Variants in TDG observed in about 807,000 individuals in gnomAD.
The protein encoded by TDG is G/T mismatch-specific thymine DNA glycosylase.
TDG carries 23 observed loss-of-function variants against 46.1 expected under a neutral mutation model. The observed-to-expected ratio is 0.50, with a 90% CI of 0.36 to 0.71. The LOEUF (loss-of-function observed/expected upper bound fraction) is 0.71, where lower values mean the gene tolerates loss of function less well. TDG is among the 30% of genes least tolerant of loss of function. The pLI, the probability that TDG is intolerant of heterozygous loss-of-function variation, is 0.00. For synonymous variants in TDG, 115 were observed against 161.3 expected (o/e 0.71, Z 2.18); for missense variants, 304 against 486.7 (o/e 0.62, Z 3.53).
intron 2 of TDG, among the ~76,000 whole-genome samples, chr12:103,979,400 G>T (rs1431076626): frequency 6.6e-6 from 1 of 151,900 alleles, no homozygotes; most frequent in East Asian, 1.9e-4. Context: ...CACCATACCT[G>T]GCCCATTTGT....
intron 1 of TDG, among the ~76,000 whole-genome samples, chr12:103,972,470 G>T (rs190484548): frequency 6.6e-5 from 10 of 152,308 alleles, no homozygotes; most frequent in Admixed American, 2.0e-4. Context: ...AGATTTTTGT[G>T]TAGATGTAAT....
chr12:103,981,092 T>A, intron 4 of TDG, 130 bp downstream of exon 4: 1 of 726,224 alleles, frequency 1.4e-6, no homozygotes, highest in South Asian at 1.9e-5. Context: ...TCATGTTCTG[T>A]GTGTGTGTCT....
At chr12:103,970,947 CAAAT>C (rs1394474444) in intron 1 of TDG, among the ~76,000 whole-genome samples, 3 of 151,620 alleles carry the variant, frequency 2.0e-5, no homozygotes, top group Admixed American at 6.6e-5. Flanking sequence ...AAAAAAAAGA[CAAAT>C]AACAACATTA....
intron 1 of TDG, among the ~76,000 whole-genome samples, chr12:103,974,974 C>CAAAAAA (rs34864393): frequency 4.2e-4 from 32 of 76,618 alleles, no homozygotes; most frequent in East Asian, 2.9e-3. Context: ...GACTCCGTCT[C>CAAAAAA]AAAAAAAAAA....
At chr12:103,976,241 C>T (rs979307167) in intron 1 of TDG, among the ~76,000 whole-genome samples, 3 of 151,956 alleles carry the variant, frequency 2.0e-5, no homozygotes, top group African/African-American at 7.3e-5. Flanking sequence ...CCTGTCTAGA[C>T]AAAAATTACA....
chr12:103,972,904 A>C, intron 1 of TDG: 1 of 621,304 alleles, frequency 1.6e-6, no homozygotes, highest in Non-Finnish European at 2.9e-6. Flanking sequence ...AATTTTTTTA[A>C]AGTAAAGAAT....
intron 4 of TDG, 57 bp from the exon 5 acceptor site, chr12:103,982,742 G>C: frequency 6.4e-7 from 1 of 1,569,154 alleles, no homozygotes; most frequent in Non-Finnish European, 8.7e-7. Context: ...TCTAGCCTGG[G>C]TGACAGAGCG....
intron 1 of TDG, among the ~76,000 whole-genome samples, chr12:103,966,840 G>A (rs1871058189): frequency 6.6e-6 from 1 of 152,172 alleles, no homozygotes; most frequent in Non-Finnish European, 1.5e-5. Flanking sequence ...ACTCTCAGTG[G>A]CTAATGGGAG....
chr12:103,966,120 G>GGCGCGC (rs371681998), intron 1 of TDG, 60 bp downstream of exon 1: 4 of 1,364,388 alleles, frequency 2.9e-6, no homozygotes, highest in Non-Finnish European at 3.9e-6. Flanking sequence ...CAGGCTGGCT[G>GGCGCGC]GCGCGCGCGC....
intron 8 of TDG, 64 bp downstream of exon 8, chr12:103,984,984 C>A: frequency 1.6e-6 from 2 of 1,259,482 alleles, no homozygotes; most frequent in South Asian, 1.9e-5. Flanking sequence ...TATATACTTA[C>A]ATATATATAC....
chr12:103,972,182 G>A (rs774091427), intron 1 of TDG, among the ~76,000 whole-genome samples: 1 of 151,928 alleles, frequency 6.6e-6, no homozygotes, highest in Admixed American at 6.6e-5. Flanking sequence ...ACAGTGGTAC[G>A]ATCTTGGCTT....
At chr12:103,974,620 T>C (rs796234776) in intron 1 of TDG, among the ~76,000 whole-genome samples, 37 of 152,294 alleles carry the variant, frequency 2.4e-4, no homozygotes, top group African/African-American at 8.4e-4. Context: ...CTTCCTGTTC[T>C]CTTTCAATGA....
Position 103,984,742 on chromosome 12 carries a change from A to G in TDG, c.793-7A>G. 1 of 1,549,596 alleles carries G rather than the reference A, an allele frequency of 6.5e-7. No homozygotes were observed. Among genetic ancestry groups the G allele is most frequent in the Non-Finnish European group, 8.7e-7 (1 of 1,143,430 alleles). ...ATTTCTGAAATTATAAAATGTTGTGATTCTAGCTCTGCTATGTTATGCCAT... is the reference window on the plus strand; with the variant it reads ...ATTTCTGAAATTATAAAATGTTGTGGTTCTAGCTCTGCTATGTTATGCCAT... On this transcript the variant is annotated splice_polypyrimidine_tract_variant and splice_region_variant and intron_variant, in intron 7 of 9. Coordinates refer to ENST00000392872, the MANE Select transcript of TDG (RefSeq NM_003211.6).
chr12:103,971,546 ACT>A (rs1871283404), intron 1 of TDG, among the ~76,000 whole-genome samples: 2 of 152,252 alleles, frequency 1.3e-5, no homozygotes, highest in South Asian at 4.1e-4. Flanking sequence ...ACAGAGCGAG[ACT>A]CTGTCTCAAA....
Position 103,965,877 on chromosome 12 carries a change from CCTG to C in TDG, c.-160_-158del, listed in dbSNP as rs1870971352. Reference sequence around the variant, plus strand: ...GGGGGTCCGTGGGGGACGGTAGAAGCCTGGAGGAGGAGCTTGAGTCCAGCCACT... The same window carrying C: ...GGGGGTCCGTGGGGGACGGTAGAAGCGAGGAGGAGCTTGAGTCCAGCCACT... On this transcript the variant is annotated 5_prime_UTR_variant, in exon 1 of 10. Transcript: ENST00000392872. 8.6e-7 allele frequency: 1 copy of C among 1,167,234 alleles called. No homozygotes were observed. The highest frequency in any genetic ancestry group is 1.2e-6 in the Non-Finnish European group (1 of 843,466). 72.3% of individuals were successfully genotyped at this position (1,167,234 alleles called of 1,614,324 possible).
At chr12:103,967,099 C>T (rs889417099) in intron 1 of TDG, among the ~76,000 whole-genome samples, 1 of 152,206 alleles carries the variant, frequency 6.6e-6, no homozygotes, top group Non-Finnish European at 1.5e-5. Flanking sequence ...TAAGAGAATT[C>T]ACCAGAATTT....
intron 2 of TDG, among the ~76,000 whole-genome samples, chr12:103,978,408 G>T (rs939319962): frequency 1.3e-5 from 2 of 152,164 alleles, no homozygotes; most frequent in African/African-American, 4.8e-5. Flanking sequence ...AGAAGTTAAT[G>T]ATTTTCTCCA....
At position 103,982,474 on chromosome 12, in the gene TDG, A is replaced by T. The variant is rs572026644; in HGVS notation, c.479-325A>T. Among the ~76,000 whole-genome samples, 133 of 152,328 alleles carry T rather than the reference A, an allele frequency of 8.7e-4. 1 individual carries two copies. Among genetic ancestry groups the T allele is most frequent in the African/African-American group, 3.2e-3 (131 of 41,576 alleles). ...AATAATAGTATCTTGCAAGATAATT[A>T]TGATGATTAAATCCAAGCGCTGTGG... is the stretch of plus-strand genomic sequence containing the variant. On this transcript the variant is annotated intron_variant, in intron 4 of 9. Transcript: ENST00000392872.
intron 4 of TDG, 57 bp from the exon 5 acceptor site, chr12:103,982,742 G>A (rs1250889095): frequency 2.5e-6 from 4 of 1,569,036 alleles, no homozygotes; most frequent in African/African-American, 2.7e-5. Context: ...TCTAGCCTGG[G>A]TGACAGAGCG....
Sources: allele counts gnomAD v4.1 joint callset (sites outside exome capture counted in the v4.1 genomes callset), GRCh38; gene constraint gnomAD v4.1.1; transcripts MANE v1.5; gene names NCBI Gene and HGNC (gene_info 2026-07-23, HGNC 2026-07-21).